The following CEP85 variants were observed in gnomAD, a reference collection of about 807,000 sequenced individuals.
CEP85 encodes the protein centrosomal protein of 85 kDa.
Under a neutral mutation model 93.7 loss-of-function variants are expected in CEP85, and 58 were observed. The observed-to-expected ratio is 0.62, with a 90% confidence interval of 0.50 to 0.77. CEP85 has a LOEUF of 0.77. CEP85 is among the 30% of genes least tolerant of loss of function. The probability of loss-of-function intolerance (pLI) is 0.00; values close to 1 mark genes in which losing one functional copy is unlikely to be tolerated. For missense variants in CEP85, 868 were observed against 922.0 expected (o/e 0.94, Z 0.76); for synonymous variants, 314 against 338.6 (o/e 0.93, Z 0.80).
At chr1:26,240,897 CAAA>C (rs1003410675) in intron 2 of CEP85, among the ~76,000 whole-genome samples, 17 of 115,824 alleles carry the variant, frequency 1.5e-4, no homozygotes, top group South Asian at 2.7e-4. Context: ...GACTGTGTCT[CAAA>C]AAAAAAAAGG....
chr1:26,264,531 C>CA (rs1351168854), intron 7 of CEP85, among the ~76,000 whole-genome samples: 6 of 151,862 alleles, frequency 4.0e-5, no homozygotes, highest in Admixed American at 1.3e-4. Flanking sequence ...GAGACTCCTT[C>CA]AAAAAAATAA....
intron 3 of CEP85, among the ~76,000 whole-genome samples, chr1:26,245,554 TA>T (rs2089497426): frequency 6.6e-6 from 1 of 152,214 alleles, no homozygotes; most frequent in African/African-American, 2.4e-5. Flanking sequence ...TTTTCACACT[TA>T]AGTATTGACA....
chr1:26,269,126 C>T lies in CEP85; in HGVS notation c.1495-334C>T, dbSNP rs117854302. On this transcript the variant is annotated intron_variant, in intron 8 of 13. Coordinates refer to ENST00000451429, the MANE Select transcript of CEP85 (RefSeq NM_001319944.2). ...TAACTGTCCTTCCCACCAAACTACTCACCCCACCACTCTGGCTCATAAACC... is the reference window on the plus strand; with the variant it reads ...TAACTGTCCTTCCCACCAAACTACTTACCCCACCACTCTGGCTCATAAACC... 2.5e-3 allele frequency among the ~76,000 whole-genome samples: 385 copies of T among 152,280 alleles called. 15 individuals carry two copies. In the East Asian group the frequency reaches 0.067, roughly 26 times the overall value.
At chr1:26,256,204 A>G (rs143196489) in intron 4 of CEP85, among the ~76,000 whole-genome samples, 1 of 152,334 alleles carries the variant, frequency 6.6e-6, no homozygotes, top group East Asian at 1.9e-4. Flanking sequence ...TTCTTAGACT[A>G]CATAATCTGT....
intron 6 of CEP85, among the ~76,000 whole-genome samples, chr1:26,258,510 G>A (rs1012144587): frequency 2.6e-5 from 4 of 151,478 alleles, no homozygotes; most frequent in Admixed American, 6.6e-5. Context: ...AGATAGTAAG[G>A]TCCTAGAGTT....
At chr1:26,235,350 C>G (rs1157921461) in intron 1 of CEP85, among the ~76,000 whole-genome samples, 1 of 152,160 alleles carries the variant, frequency 6.6e-6, no homozygotes, top group African/African-American at 2.4e-5. Context: ...TTTTGTATGT[C>G]TCACGACTTT....
At chr1:26,256,401 T>C (rs2089701939) in intron 4 of CEP85, among the ~76,000 whole-genome samples, 1 of 151,794 alleles carries the variant, frequency 6.6e-6, no homozygotes, top group Non-Finnish European at 1.5e-5. Context: ...TGTGGTGGCA[T>C]GCGCCTGTAG....
At chr1:26,237,272 G>A (rs2089340829) in intron 1 of CEP85, among the ~76,000 whole-genome samples, 1 of 151,972 alleles carries the variant, frequency 6.6e-6, no homozygotes, top group Admixed American at 6.6e-5. Context: ...TAATATATTG[G>A]CAAGGTTGTG....
chr1:26,239,913 GAACA>G, intron 2 of CEP85, 75 bp downstream of exon 2: 1 of 1,095,744 alleles, frequency 9.1e-7, no homozygotes, highest in South Asian at 1.3e-5. Context: ...GGTAAATATT[GAACA>G]AACAAGCATT....
chr1:26,271,231 T>G (rs1210067885), intron 10 of CEP85, 124 bp downstream of exon 10: 5 of 600,788 alleles, frequency 8.3e-6, no homozygotes, highest in Non-Finnish European at 1.5e-5. Context: ...AGAGCTTTTC[T>G]TTCTTTTCGG....
chr1:26,263,441 G>A (rs752586227), intron 7 of CEP85: 7 of 159,632 alleles, frequency 4.4e-5, no homozygotes, highest in South Asian at 1.7e-4. Context: ...GATGGTTCCC[G>A]GGAAGCAAAG....
In CEP85 at chr1:26,255,338, A is replaced by G; in HGVS notation, c.376A>G (p.Ser126Gly). 2.5e-6 allele frequency: 4 copies of G among 1,614,152 alleles called. No homozygotes were observed. The highest frequency in any genetic ancestry group is 3.4e-6 in the Non-Finnish European group (4 of 1,180,026). ...SKLPLSGLAE[S>G]VGMTRNGDLG... ...ACTCCCTTTGTCAGGGTTGGCTGAA[A>G]GTGTGGGAATGACAAGAAATGGAGA... The change falls in exon 4 of 14, where the codon AGT becomes GGT. Residue 126 changes from serine (S) to glycine (G), a missense_variant. Physicochemically the swap from Ser to Gly is moderately conservative, Grantham distance 56 (BLOSUM62 0). Coordinates refer to ENST00000451429, the MANE Select transcript of CEP85 (RefSeq NM_001319944.2).
intron 3 of CEP85, among the ~76,000 whole-genome samples, chr1:26,253,387 C>T (rs985535031): frequency 2.1e-5 from 3 of 143,864 alleles, no homozygotes; most frequent in Admixed American, 2.1e-4. Flanking sequence ...TGTTATCTTT[C>T]ATCTTTTTTT....
At chr1:26,272,956 G>A (rs2090000671) in intron 11 of CEP85, among the ~76,000 whole-genome samples, 1 of 152,092 alleles carries the variant, frequency 6.6e-6, no homozygotes, top group South Asian at 2.1e-4. Flanking sequence ...GGGATGTGAT[G>A]TGGTCAGGTT....
chr1:26,259,645 G>A lies in CEP85; in HGVS notation c.1184G>A (p.Arg395His), dbSNP rs185173348. The change falls in exon 7 of 14, where the codon CGT becomes CAT. Residue 395 changes from arginine to histidine, a missense_variant. Transcript: ENST00000451429. ...TTGCAGCGAGAAAACACTTTCTTAC[G>A]TGCACAGTTTGCACAGAAGACAGAA... Reference protein sequence around the residue: ...QELQRENTFLRAQFAQKTEAL... With the variant: ...QELQRENTFLHAQFAQKTEAL... 38 of 1,611,632 alleles carry A rather than the reference G, an allele frequency of 2.4e-5. No individual in the cohort carries two copies. The highest frequency in any genetic ancestry group is 1.5e-4 in the Admixed American group (9 of 59,390).
At chr1:26,247,455 A>G (rs1216364557) in intron 3 of CEP85, among the ~76,000 whole-genome samples, 3 of 151,814 alleles carry the variant, frequency 2.0e-5, no homozygotes, top group African/African-American at 7.3e-5. Context: ...AAAAAAAGCC[A>G]GGGACAGTGG....
chr1:26,263,974 C>T (rs1340871990), intron 7 of CEP85, among the ~76,000 whole-genome samples: 1 of 152,138 alleles, frequency 6.6e-6, no homozygotes, highest in Non-Finnish European at 1.5e-5. Context: ...CAAAGGTGGT[C>T]TTGGAACCAG....
chr1:26,255,862 G>GC lies in CEP85; in HGVS notation c.901dup (p.Gln301ProfsTer33). The GC allele has an allele frequency of 6.3e-7, 1 of 1,599,996 alleles. No homozygotes were observed. The highest frequency in any genetic ancestry group is 1.1e-5 in the South Asian group (1 of 90,110). On this transcript the variant is annotated frameshift_variant, in exon 4 of 14. Coordinates refer to ENST00000451429, the MANE Select transcript of CEP85 (RefSeq NM_001319944.2). LOFTEE classifies it high-confidence loss of function. ...TGATTCGTTTACAGATGGAGCAAATGCAGGTAGAGGTCTATCTTTCCTTGG... is the reference window on the plus strand; with the variant it reads ...TGATTCGTTTACAGATGGAGCAAATGCCAGGTAGAGGTCTATCTTTCCTTGG...
At position 26,241,317 on chromosome 1, in the gene CEP85, A is replaced by C. The variant is rs1190161586; in HGVS notation, c.55+1479A>C. On this transcript the variant is annotated intron_variant, in intron 2 of 13. Transcript: ENST00000451429. ...GAGTGCAGTGGCGTGATCTCGGCTC[A>C]CTACAAGCTCCGCTTCCCGGGTTCA... is the stretch of plus-strand genomic sequence containing the variant. 4.3e-5 allele frequency among the ~76,000 whole-genome samples: 6 copies of C among 139,108 alleles called. 1 individual carries two copies. The Admixed American group carries it at 4.8e-4, about 11-fold the overall frequency. 91.3% of individuals were successfully genotyped at this position (139,108 alleles called of 152,430 possible). A position where few individuals can be genotyped will look rare whatever the true frequency, so the allele number is the denominator to read the frequency against.
Sources: gnomAD v4.1 joint callset for allele counts (sites outside exome capture counted in the v4.1 genomes callset) on GRCh38, gnomAD v4.1.1 for gene constraint, MANE v1.5 for transcripts, NCBI Gene and HGNC (gene_info 2026-07-23, HGNC 2026-07-21) for gene names.